Variants in FAIM2 observed in about 807,000 individuals in gnomAD.
The protein encoded by FAIM2 is Fas apoptotic inhibitory molecule 2.
FAIM2 carries 27 observed loss-of-function variants against 47.4 expected under a neutral mutation model. That is an observed-to-expected ratio of 0.57 (90% CI 0.42 to 0.78). The LOEUF is 0.78. Ranked by LOEUF, FAIM2 falls within the 30% of genes least tolerant of loss-of-function variation. The pLI, the probability that FAIM2 is intolerant of heterozygous loss-of-function variation, is 0.00. For missense variants in FAIM2, 311 were observed against 389.4 expected (o/e 0.80, Z 1.69); for synonymous variants, 156 against 159.3 (o/e 0.98, Z 0.16).
Position 49,889,545 on chromosome 12 carries a change from A to C in FAIM2, c.587T>G (p.Leu196Arg). Residue 196 changes from leucine (L) to arginine (R), a missense_variant, in exon 9 of 12, where the codon CTG (leucine) becomes CGG (arginine). Physicochemically the swap from Leu to Arg is moderately radical, Grantham distance 102. Transcript: ENST00000320634. ...AAGGGCCGTGATGCCCAGGCACAGC[A>C]GCACGGAGGTGGTGTTGTAGTAGCT... ...LSSYYNTTSVLLCLGITALVC... is the reference protein window; with the variant it reads ...LSSYYNTTSVRLCLGITALVC... The C allele has an allele frequency of 6.2e-7, 1 of 1,614,072 alleles. No homozygotes were observed. The highest frequency in any genetic ancestry group is 1.1e-5 in the South Asian group (1 of 91,078).
chr12:49,885,981 G>C (rs1946858289), intron 11 of FAIM2, among the ~76,000 whole-genome samples: 1 of 151,980 alleles, frequency 6.6e-6, no homozygotes, highest in Admixed American at 6.6e-5. Context: ...CAAAACCTCT[G>C]CTCACAGCTC....
chr12:49,892,759 G>A (rs1468945935), intron 5 of FAIM2, among the ~76,000 whole-genome samples: 2 of 152,052 alleles, frequency 1.3e-5, no homozygotes, highest in Non-Finnish European at 2.9e-5. Context: ...CCATATTTCT[G>A]ATCTATATTT....
chr12:49,903,150 C>T (rs1946992711), intron 1 of FAIM2, among the ~76,000 whole-genome samples: 1 of 152,248 alleles, frequency 6.6e-6, no homozygotes, highest in Non-Finnish European at 1.5e-5. Context: ...CCCAGCCCCT[C>T]CCCTACAATT....
chr12:49,881,742 T>C (rs1474410750), intron 11 of FAIM2, among the ~76,000 whole-genome samples: 4 of 152,188 alleles, frequency 2.6e-5, no homozygotes, highest in Non-Finnish European at 1.5e-5. Context: ...ACTGGCATAT[T>C]TGGGTCTGGC....
intron 11 of FAIM2, among the ~76,000 whole-genome samples, chr12:49,870,984 G>C (rs1322311881): frequency 6.6e-6 from 1 of 152,224 alleles, no homozygotes; most frequent in Non-Finnish European, 1.5e-5. Flanking sequence ...TGATAACAAG[G>C]AGCCTCACCT....
chr12:49,881,578 C>T (rs1290260967), intron 11 of FAIM2, among the ~76,000 whole-genome samples: 4 of 152,178 alleles, frequency 2.6e-5, no homozygotes, highest in African/African-American at 7.2e-5. Context: ...ACCTCATTCC[C>T]TGCCCCATCA....
chr12:49,880,206 GTGCATGTGTGTATATGTGCA>G (rs1446841046), intron 11 of FAIM2, among the ~76,000 whole-genome samples: 2 of 149,300 alleles, frequency 1.3e-5, no homozygotes, highest in East Asian at 4.0e-4. Flanking sequence ...GCATGTGTGT[GTGCATGTGTGTATATGTGCA>G]TGCATGTGTG....
At chr12:49,880,219 TATGTGCATGC>T (rs1946802791) in intron 11 of FAIM2, among the ~76,000 whole-genome samples, 1 of 151,784 alleles carries the variant, frequency 6.6e-6, no homozygotes, top group Non-Finnish European at 1.5e-5. Flanking sequence ...CATGTGTGTA[TATGTGCATGC>T]ATGTGTGTAT....
chr12:49,878,904 A>C (rs1265697612), intron 11 of FAIM2, among the ~76,000 whole-genome samples: 2 of 126,480 alleles, frequency 1.6e-5, no homozygotes, highest in African/African-American at 6.1e-5. Context: ...GTGCATGTGT[A>C]TGCGTGTGAG....
intron 11 of FAIM2, among the ~76,000 whole-genome samples, chr12:49,877,278 A>G (rs1460406177): frequency 1.3e-5 from 2 of 152,132 alleles, no homozygotes; most frequent in African/African-American, 4.8e-5. Context: ...GGGGGCCTGC[A>G]CACTCTCCCC....
chr12:49,885,641 TG>T (rs1946855780), intron 11 of FAIM2, among the ~76,000 whole-genome samples: 1 of 152,158 alleles, frequency 6.6e-6, no homozygotes, highest in African/African-American at 2.4e-5. Flanking sequence ...CTAGGTAGCC[TG>T]GGGTAAGCTG....
At chr12:49,885,866 G>A (rs545884899) in intron 11 of FAIM2, among the ~76,000 whole-genome samples, 55 of 152,264 alleles carry the variant, frequency 3.6e-4, no homozygotes, top group African/African-American at 1.2e-3. Context: ...CTGGGCAGCC[G>A]TGCTGCACAT....
At chr12:49,894,501 A>AG (rs1946922103) in intron 5 of FAIM2, among the ~76,000 whole-genome samples, 1 of 152,090 alleles carries the variant, frequency 6.6e-6, no homozygotes, top group African/African-American at 2.4e-5. Context: ...CTGGCAGCCC[A>AG]GGGGGCAGGG....
rs569172058 is a variant in FAIM2 at position 49,879,346 on chromosome 12, G to T, written c.801+8040C>A. ...TGTGCGTGTGTATGTGTTTATGTGT[G>T]CATGTGAGTGCATGTGTGTGCATGT... On this transcript the variant is annotated intron_variant, in intron 11 of 11. Transcript: ENST00000320634. Among the ~76,000 whole-genome samples, 249 of 150,296 alleles carry T rather than the reference G, an allele frequency of 1.7e-3. 2 individuals are homozygous for T. The highest frequency in any genetic ancestry group is 0.016 in the South Asian group (77 of 4,724).
At chr12:49,887,314 G>T in intron 11 of FAIM2, 72 bp downstream of exon 11, 1 of 1,371,478 alleles carries the variant, frequency 7.3e-7, no homozygotes, top group Non-Finnish European at 1.0e-6. Context: ...GAGGAAGATG[G>T]GAGGAGAAGG....
At chr12:49,888,878 G>A (rs879796359) in intron 10 of FAIM2, among the ~76,000 whole-genome samples, 8 of 152,230 alleles carry the variant, frequency 5.3e-5, no homozygotes, top group East Asian at 1.9e-4. Context: ...AAGTGAAGCC[G>A]GATGTGGCTT....
intron 10 of FAIM2, among the ~76,000 whole-genome samples, chr12:49,887,945 T>C (rs1034634799): frequency 1.3e-5 from 2 of 151,990 alleles, no homozygotes; most frequent in Non-Finnish European, 1.5e-5. Flanking sequence ...CTGTGCATGG[T>C]GGAGGAACAG....
At chr12:49,890,930 G>T in intron 6 of FAIM2, 134 bp downstream of exon 6, 3 of 949,196 alleles carry the variant, frequency 3.2e-6, no homozygotes, top group Non-Finnish European at 5.1e-6. Flanking sequence ...GGGGCTGCCT[G>T]CTCGATAGAG....
rs1555159107 is a variant in FAIM2 at position 49,884,235 on chromosome 12, A to AAC, written c.801+3150_801+3151insGT. Among the ~76,000 whole-genome samples, 231 of 150,234 alleles carry AAC rather than the reference A, an allele frequency of 1.5e-3. 3 individuals carry two copies. Among genetic ancestry groups the AAC allele is most frequent in the East Asian group, 6.1e-3 (31 of 5,092 alleles). On this transcript the variant is annotated intron_variant, in intron 11 of 11. Coordinates refer to ENST00000320634, the MANE Select transcript of FAIM2 (RefSeq NM_012306.4). ...CCAGACTCCGTCTCAGAAAAAAAAA[A>AAC]AAACAAAAAACAGAGAGAGAGAGAG...
Sources: gnomAD v4.1 joint callset for allele counts (sites outside exome capture counted in the v4.1 genomes callset) on GRCh38, gnomAD v4.1.1 for gene constraint, MANE v1.5 for transcripts, NCBI Gene and HGNC (gene_info 2026-07-23, HGNC 2026-07-21) for gene names.